ACTN4: variants seen among roughly 807,000 people sequenced by gnomAD.
ACTN4 encodes alpha-actinin-4.
ACTN4 carries 18 observed loss-of-function variants against 114.2 expected under a neutral mutation model. The observed-to-expected ratio is 0.16, with a 90% CI of 0.11 to 0.23. The LOEUF is 0.23. Ranked by LOEUF, ACTN4 falls within the 10% of genes least tolerant of loss-of-function variation. The probability of loss-of-function intolerance (pLI) is 1.00; values close to 1 mark genes in which losing one functional copy is unlikely to be tolerated. For synonymous variants in ACTN4, 515 were observed against 506.3 expected (o/e 1.02, Z -0.23); for missense variants, 722 against 1,262.9 (o/e 0.57, Z 6.49).
chr19:38,723,848 C>A, intron 13 of ACTN4, 89 bp from the exon 14 acceptor site: 1 of 1,520,570 alleles, frequency 6.6e-7, no homozygotes, highest in Non-Finnish European at 9.0e-7. Flanking sequence ...TCTGACTCCT[C>A]AGGGCCCTCT....
At chr19:38,688,560 G>T (rs919159844) in intron 1 of ACTN4, among the ~76,000 whole-genome samples, 4 of 151,878 alleles carry the variant, frequency 2.6e-5, no homozygotes, top group Admixed American at 1.3e-4. Context: ...AACAGGGTGA[G>T]ACCCTGTCTC....
intron 1 of ACTN4, among the ~76,000 whole-genome samples, chr19:38,667,055 G>C (rs1599771552): frequency 6.6e-6 from 1 of 152,132 alleles, no homozygotes; most frequent in South Asian, 2.1e-4. Flanking sequence ...TGTAATTAAG[G>C]TGCTCATTAA....
intron 19 of ACTN4, chr19:38,728,378 C>A: frequency 7.1e-7 from 1 of 1,399,610 alleles, no homozygotes; most frequent in Non-Finnish European, 9.5e-7. Flanking sequence ...CAGGATACAG[C>A]CTGGTATGCA....
chr19:38,728,212 C>T, intron 19 of ACTN4, 186 bp downstream of exon 19: 2 of 1,389,786 alleles, frequency 1.4e-6, no homozygotes, highest in Non-Finnish European at 2.0e-6. Flanking sequence ...CCGCTGTCTC[C>T]CTGCTCCCCG....
intron 11 of ACTN4, among the ~76,000 whole-genome samples, chr19:38,719,097 G>A (rs1417307138): frequency 3.3e-5 from 5 of 152,208 alleles, no homozygotes; most frequent in Non-Finnish European, 5.9e-5. Flanking sequence ...CTGCCTGGCC[G>A]TTGGCTCCAG....
At chr19:38,728,378 C>T (rs1353268630) in intron 19 of ACTN4, 1 of 1,399,610 alleles carries the variant, frequency 7.1e-7, no homozygotes, top group Non-Finnish European at 9.5e-7. Context: ...CAGGATACAG[C>T]CTGGTATGCA....
At chr19:38,692,470 A>G (rs1252914345) in intron 1 of ACTN4, among the ~76,000 whole-genome samples, 1 of 152,256 alleles carries the variant, frequency 6.6e-6, no homozygotes, top group African/African-American at 2.4e-5. Context: ...ATCTTCAAAA[A>G]GTGCTCAGGT....
intron 3 of ACTN4, among the ~76,000 whole-genome samples, chr19:38,704,681 G>A (rs534001975): frequency 2.0e-5 from 3 of 152,210 alleles, no homozygotes; most frequent in Admixed American, 1.3e-4. Context: ...AGCTGGCTGC[G>A]GGGCCAGGGA....
At chr19:38,720,424 CAGTTGGAGAAGGG>C (rs1323180657) in intron 11 of ACTN4, among the ~76,000 whole-genome samples, 1 of 152,250 alleles carries the variant, frequency 6.6e-6, no homozygotes, top group East Asian at 1.9e-4. Context: ...TGGGAGAAAG[CAGTTGGAGAAGGG>C]AATTGCAAGG....
chr19:38,706,340 A>T (rs1202851080), intron 5 of ACTN4, among the ~76,000 whole-genome samples: 1 of 152,214 alleles, frequency 6.6e-6, no homozygotes, highest in Non-Finnish European at 1.5e-5. Context: ...TCCTGGCTGA[A>T]GGCAGTAAGG....
intron 7 of ACTN4, 104 bp from the exon 8 acceptor site, chr19:38,710,153 C>T: frequency 8.4e-7 from 1 of 1,195,108 alleles, no homozygotes; most frequent in East Asian, 2.3e-5. Flanking sequence ...TCTGCAGGTC[C>T]CTCTCCCCCA....
At chr19:38,682,039 C>T (rs1280535431) in intron 1 of ACTN4, among the ~76,000 whole-genome samples, 1 of 152,152 alleles carries the variant, frequency 6.6e-6, no homozygotes, top group African/African-American at 2.4e-5. Context: ...CCATGTTGAC[C>T]AGGCTGGTAT....
chr19:38,686,234 C>T (rs1967737550), intron 1 of ACTN4, among the ~76,000 whole-genome samples: 1 of 152,194 alleles, frequency 6.6e-6, no homozygotes. Flanking sequence ...CGGATTTGTC[C>T]AGACTAAAAC....
intron 11 of ACTN4, among the ~76,000 whole-genome samples, chr19:38,719,702 A>G (rs940819410): frequency 6.6e-6 from 1 of 152,202 alleles, no homozygotes; most frequent in Non-Finnish European, 1.5e-5. Context: ...AGCCGTCCTT[A>G]TCCATGGAGG....
Position 38,724,899 on chromosome 19 carries a change from C to A in ACTN4, c.2010+334C>A, listed in dbSNP as rs12985558. ...CGCAGCCCAAGGAGGTCGAGGCTGCCGTGAGCTACGATCATGCCACTGCAC... is the reference window on the plus strand; with the variant it reads ...CGCAGCCCAAGGAGGTCGAGGCTGCAGTGAGCTACGATCATGCCACTGCAC... On this transcript the variant is annotated intron_variant, in intron 16 of 20. Coordinates refer to ENST00000252699, the MANE Select transcript of ACTN4 (RefSeq NM_004924.6). The surrounding 1 kb of genome is among the most constrained non-coding windows in gnomAD (Gnocchi z 7.0). 6.6e-6 allele frequency among the ~76,000 whole-genome samples: 1 copy of A among 152,050 alleles called. No homozygotes were observed. Among genetic ancestry groups the A allele is most frequent in the Admixed American group, 6.5e-5 (1 of 15,270 alleles).
In ACTN4 at chr19:38,730,558, T is replaced by G. The variant is rs1397467940; in HGVS notation, c.*1126T>G. On this transcript the variant is annotated 3_prime_UTR_variant, in exon 21 of 21. Coordinates refer to ENST00000252699, the MANE Select transcript of ACTN4 (RefSeq NM_004924.6). The stretch of plus-strand genomic sequence containing the variant: ...TCCTGCAGCATCATCTTTTTTTATT[T>G]CTCCTGTGTCTGTCCTCCACCTTCT... 1 of 487,918 alleles carries G rather than the reference T, an allele frequency of 2.0e-6. No homozygotes were observed. The highest frequency in any genetic ancestry group is 3.6e-5 in the Admixed American group (1 of 27,988). The allele number at this position is 487,918 out of a possible 1,614,324, so 30.2% of individuals were successfully genotyped here. A position where few individuals can be genotyped will look rare whatever the true frequency, so the allele number is the denominator to read the frequency against.
At position 38,730,585 on chromosome 19, in the gene ACTN4, G is replaced by C; in HGVS notation, c.*1153G>C. 1 of 561,568 alleles carries C rather than the reference G, an allele frequency of 1.8e-6. No homozygotes were observed. Among genetic ancestry groups the C allele is most frequent in the Non-Finnish European group, 3.2e-6 (1 of 314,192 alleles). 34.8% of individuals were successfully genotyped at this position (561,568 alleles called of 1,614,324 possible). A position where few individuals can be genotyped will look rare whatever the true frequency, so the allele number is the denominator to read the frequency against. ...TCCTGTGTCTGTCCTCCACCTTCTA[G>C]GAGAGCCAGGGCAGAGCTAGCACTG... is the stretch of plus-strand genomic sequence containing the variant. On this transcript the variant is annotated 3_prime_UTR_variant, in exon 21 of 21. Transcript: ENST00000252699.
At chr19:38,687,723 G>A (rs1366564802) in intron 1 of ACTN4, among the ~76,000 whole-genome samples, 1 of 152,130 alleles carries the variant, frequency 6.6e-6, no homozygotes, top group Non-Finnish European at 1.5e-5. Context: ...CTTGGGTTAG[G>A]CAATGGTTAT....
At chr19:38,711,713 A>G (rs1363101183) in intron 8 of ACTN4, among the ~76,000 whole-genome samples, 1 of 152,208 alleles carries the variant, frequency 6.6e-6, no homozygotes, top group Non-Finnish European at 1.5e-5. Flanking sequence ...CCTGTCCATC[A>G]TCTGCACCAG....
Sources: gnomAD v4.1 joint callset for allele counts (sites outside exome capture counted in the v4.1 genomes callset) on GRCh38, gnomAD v4.1.1 for gene constraint, Gnocchi (gnomAD v3.1) non-coding constraint, MANE v1.5 for transcripts, NCBI Gene and HGNC (gene_info 2026-07-23, HGNC 2026-07-21) for gene names.